VRK2: variants seen among roughly 807,000 people sequenced by gnomAD.
VRK2 encodes the protein serine/threonine-protein kinase VRK2.
Under a neutral mutation model 57.6 loss-of-function variants are expected in VRK2, and 60 were observed. That is an observed-to-expected ratio of 1.04 (90% CI 0.85 to 1.29). The LOEUF is 1.29. Among genes scored for constraint, VRK2 ranks in the 50% most tolerant of loss-of-function variants. The probability of loss-of-function intolerance (pLI) is 0.00; values close to 1 mark genes in which losing one functional copy is unlikely to be tolerated. For missense variants in VRK2, 705 were observed against 588.1 expected, an observed-to-expected ratio of 1.20 and a Z score of -2.06; for synonymous variants, 231 against 199.2, an observed-to-expected ratio of 1.16 and a Z score of -1.35.
chr2:58,015,391 T>C (rs1285302518), intron 1 of VRK2, among the ~76,000 whole-genome samples: 1 of 152,210 alleles, frequency 6.6e-6, no homozygotes, highest in African/African-American at 2.4e-5. Flanking sequence ...TACTATTTCC[T>C]GGCTGTGGGA....
chr2:58,028,903 A>ATATATATAT lies in VRK2; in HGVS notation c.-333+3133_-333+3134insTATATATAT, dbSNP rs1553378205. On this transcript the variant is annotated intron_variant, in intron 2 of 15. Coordinates refer to the VRK2 transcript ENST00000417641. ...AGTATAATAAATAAATAAATAAATA[A>ATATATATAT]ATATATATATATATATATATATATA... Among the ~76,000 whole-genome samples the ATATATATAT allele has an allele frequency of 5.6e-4, 30 of 53,994 alleles. 1 individual carries two copies. The highest frequency in any genetic ancestry group is 1.4e-3 in the African/African-American group (20 of 14,376). 35.4% of individuals were successfully genotyped at this position (53,994 alleles called of 152,430 possible).
intron 1 of VRK2, among the ~76,000 whole-genome samples, chr2:57,942,147 G>A (rs973319432): frequency 1.3e-5 from 2 of 152,076 alleles, no homozygotes; most frequent in Non-Finnish European, 2.9e-5. Context: ...TTTAGCAGGG[G>A]AAGAAAAATA....
chr2:58,072,899 C>G (rs755908666), intron 2 of VRK2, among the ~76,000 whole-genome samples: 13 of 151,932 alleles, frequency 8.6e-5, no homozygotes, highest in Non-Finnish European at 1.6e-4. Flanking sequence ...TCTAGATTTT[C>G]TACTATGTAA....
Position 58,146,483 on chromosome 2 carries a change from G to A in VRK2, c.1182+9G>A, listed in dbSNP as rs1338180464. The A allele has an allele frequency of 6.2e-7, 1 of 1,601,038 alleles. No homozygotes were observed. The highest frequency in any genetic ancestry group is 8.5e-7 in the Non-Finnish European group (1 of 1,174,076). On this transcript the variant is annotated intron_variant, in intron 12 of 12. Transcript: ENST00000340157. ...ACAATGAAGCAGCTCAGGTGAGAGG[G>A]TTGTTTGTGTGTGTTTTTTCTAACT... is the stretch of plus-strand genomic sequence containing the variant.
At chr2:57,987,085 C>T (rs934531211) in intron 1 of VRK2, among the ~76,000 whole-genome samples, 1 of 151,852 alleles carries the variant, frequency 6.6e-6, no homozygotes, top group Non-Finnish European at 1.5e-5. Flanking sequence ...AAAAGTAAAA[C>T]CTGAAACCAG....
intron 8 of VRK2, among the ~76,000 whole-genome samples, chr2:58,123,853 GA>G (rs74271857): frequency 0.024 from 3,239 of 134,748 alleles, 114 homozygotes; most frequent in African/African-American, 0.076. Context: ...AGACCCCTCA[GA>G]AAAAAAAAAA....
At chr2:57,958,150 C>A (rs923753792) in intron 1 of VRK2, among the ~76,000 whole-genome samples, 7 of 152,022 alleles carry the variant, frequency 4.6e-5, no homozygotes, top group Non-Finnish European at 1.0e-4. Context: ...CTAAGAGGAG[C>A]TAAAGTAAAA....
chr2:58,110,664 GA>G (rs1291610929), intron 7 of VRK2, among the ~76,000 whole-genome samples: 1 of 152,142 alleles, frequency 6.6e-6, no homozygotes, highest in African/African-American at 2.4e-5. Flanking sequence ...TTGGAGGCAG[GA>G]AATCTAATGC....
chr2:58,145,249 G>A (rs1681939828), intron 11 of VRK2, among the ~76,000 whole-genome samples: 1 of 151,938 alleles, frequency 6.6e-6, no homozygotes, highest in South Asian at 2.1e-4. Context: ...ATCATGGTGT[G>A]AAAAAGAAAC....
At chr2:57,992,694 G>A (rs377731740) in intron 1 of VRK2, among the ~76,000 whole-genome samples, 2 of 152,068 alleles carry the variant, frequency 1.3e-5, no homozygotes, top group East Asian at 3.9e-4. Context: ...CCGCCACCGC[G>A]CCCGGCTAAT....
chr2:58,136,314 A>T (rs17049366), intron 10 of VRK2, among the ~76,000 whole-genome samples: 1 of 152,020 alleles, frequency 6.6e-6, no homozygotes. Context: ...TGCAAGATGA[A>T]ATTTTTGTTT....
chr2:58,036,459 A>C (rs1306134470), intron 3 of VRK2, among the ~76,000 whole-genome samples: 1 of 152,072 alleles, frequency 6.6e-6, no homozygotes, highest in Non-Finnish European at 1.5e-5. Flanking sequence ...TCTTTGTTGT[A>C]ATAGGTAAAA....
intron 6 of VRK2, 137 bp from the exon 7 acceptor site, chr2:58,089,490 ATAAT>A (rs1672075863): frequency 2.1e-6 from 1 of 466,650 alleles, no homozygotes; most frequent in African/African-American, 2.0e-5. Flanking sequence ...ATATTTTAGA[ATAAT>A]TAACCAGTAA....
intron 2 of VRK2, among the ~76,000 whole-genome samples, chr2:58,070,756 A>G (rs760437391): frequency 6.6e-6 from 1 of 152,168 alleles, no homozygotes; most frequent in African/African-American, 2.4e-5. Flanking sequence ...AGTTGTGAGT[A>G]AAGCGGATAT....
chr2:58,073,909 C>G (rs1572956095), intron 2 of VRK2, among the ~76,000 whole-genome samples: 1 of 151,920 alleles, frequency 6.6e-6, no homozygotes, highest in Non-Finnish European at 1.5e-5. Context: ...TCCTAGCCAC[C>G]TTGGCAGCTG....
chr2:57,940,329 G>A (rs780713548), intron 1 of VRK2, among the ~76,000 whole-genome samples: 9 of 152,090 alleles, frequency 5.9e-5, no homozygotes, highest in Non-Finnish European at 1.2e-4. Flanking sequence ...CAGGCAAGAA[G>A]AGAATGAGTT....
At chr2:57,940,637 C>T (rs1471650572) in intron 1 of VRK2, among the ~76,000 whole-genome samples, 1 of 152,146 alleles carries the variant, frequency 6.6e-6, no homozygotes, top group Non-Finnish European at 1.5e-5. Flanking sequence ...TCCAGTCTTT[C>T]TTCTTTCCTT....
intron 2 of VRK2, among the ~76,000 whole-genome samples, chr2:58,081,329 T>C (rs1670840576): frequency 6.6e-6 from 1 of 152,004 alleles, no homozygotes; most frequent in African/African-American, 2.4e-5. Context: ...AGCTGTAAGA[T>C]GTCATCACTT....
rs1553361716 is a variant in VRK2 at position 57,926,467 on chromosome 2, G to GTA, written c.-439+18631_-439+18632dup. On this transcript the variant is annotated intron_variant, in intron 1 of 15. Coordinates refer to the VRK2 transcript ENST00000417641. ...TGTGTGTGTGTGTGTGTGTGTGTGT[G>GTA]TATAGTGTATATATATACAATTATA... Among the ~76,000 whole-genome samples the GTA allele has an allele frequency of 1.2e-3, 180 of 147,942 alleles. 1 individual carries two copies. Among genetic ancestry groups the GTA allele is most frequent in the African/African-American group, 4.0e-3 (160 of 40,344 alleles).
Sources: gnomAD v4.1 joint callset for allele counts (sites outside exome capture counted in the v4.1 genomes callset) on GRCh38, gnomAD v4.1.1 for gene constraint, MANE v1.5 for transcripts, NCBI Gene and HGNC (gene_info 2026-07-23, HGNC 2026-07-21) for gene names.